The following PACSIN2 variants were observed in gnomAD, a reference collection of about 807,000 sequenced individuals.
PACSIN2 encodes protein kinase C and casein kinase substrate in neurons protein 2.
A neutral mutation model predicts 63.8 loss-of-function variants in PACSIN2; 25 were observed. That is an observed-to-expected ratio of 0.39 (90% CI 0.29 to 0.55). The LOEUF is 0.55. Ranked by LOEUF, PACSIN2 falls within the 20% of genes least tolerant of loss-of-function variation. PACSIN2 has a pLI of 0.62. For missense variants in PACSIN2, 518 were observed against 646.9 expected (o/e 0.80, Z 2.16); for synonymous variants, 255 against 256.2 (o/e 1.00, Z 0.05).
intron 7 of PACSIN2, among the ~76,000 whole-genome samples, chr22:42,879,963 G>A (rs560437676): frequency 6.6e-6 from 1 of 152,296 alleles, no homozygotes; most frequent in Admixed American, 6.5e-5. Flanking sequence ...CGAGTTCTCG[G>A]GTGGCGAACT....
At chr22:42,984,525 T>C (rs1402599626) in intron 1 of PACSIN2, among the ~76,000 whole-genome samples, 1 of 152,094 alleles carries the variant, frequency 6.6e-6, no homozygotes, top group African/African-American at 2.4e-5. Flanking sequence ...AAAACCCACA[T>C]GGCCAGGAGA....
At chr22:42,951,371 T>C (rs1933684270) in intron 1 of PACSIN2, among the ~76,000 whole-genome samples, 1 of 152,168 alleles carries the variant, frequency 6.6e-6, no homozygotes, top group African/African-American at 2.4e-5. Context: ...TCCTCTTCTC[T>C]GTGCACACTA....
chr22:42,993,135 C>A (rs1464802910), intron 1 of PACSIN2, among the ~76,000 whole-genome samples: 1 of 151,638 alleles, frequency 6.6e-6, no homozygotes, highest in Non-Finnish European at 1.5e-5. Flanking sequence ...GATTGCACCA[C>A]TGCACTCCAG....
At chr22:42,884,278 T>A (rs1329452615) in intron 6 of PACSIN2, 108 bp downstream of exon 6, 2 of 1,008,194 alleles carry the variant, frequency 2.0e-6, no homozygotes, top group Non-Finnish European at 3.0e-6. Context: ...TGAGGAGACC[T>A]CCTGATGAAC....
At chr22:42,933,486 C>T (rs190284858) in intron 1 of PACSIN2, among the ~76,000 whole-genome samples, 14 of 152,342 alleles carry the variant, frequency 9.2e-5, no homozygotes, top group Non-Finnish European at 1.9e-4. Context: ...ACAGAACACA[C>T]CCATGTTCAT....
rs1018968664 is a variant in PACSIN2 at position 42,915,010 on chromosome 22, C to T, written c.-77-2853G>A. Among the ~76,000 whole-genome samples, 5 of 152,030 alleles carry T rather than the reference C, an allele frequency of 3.3e-5. No homozygotes were observed. The East Asian group carries it at 7.7e-4, about 23-fold the overall frequency. On this transcript the variant is annotated intron_variant, in intron 1 of 10. Transcript: ENST00000263246. ...TCCTGAGTAGCTGGGACTACAGGCA[C>T]GTGCTGCCAGGCCCAGCTAATTAAA...
At chr22:43,009,472 G>C (rs1779395346) in intron 1 of PACSIN2, among the ~76,000 whole-genome samples, 1 of 152,172 alleles carries the variant, frequency 6.6e-6, no homozygotes, top group African/African-American at 2.4e-5. Context: ...TCTTAATCTG[G>C]GTCCACGCCT....
intron 1 of PACSIN2, among the ~76,000 whole-genome samples, chr22:42,939,036 G>A (rs1486396043): frequency 6.6e-6 from 1 of 152,160 alleles, no homozygotes; most frequent in African/African-American, 2.4e-5. Flanking sequence ...AACCACCTGG[G>A]CTATCAGAAT....
chr22:42,996,701 G>A (rs1923427366), intron 1 of PACSIN2, among the ~76,000 whole-genome samples: 1 of 151,922 alleles, frequency 6.6e-6, no homozygotes, highest in Non-Finnish European at 1.5e-5. Context: ...CAATCAGGGG[G>A]AAAAAAAGCA....
intron 1 of PACSIN2, among the ~76,000 whole-genome samples, chr22:42,957,790 T>C (rs1933974355): frequency 6.6e-6 from 1 of 152,294 alleles, no homozygotes; most frequent in South Asian, 2.1e-4. Flanking sequence ...CAAAGAAGAA[T>C]TGAGTGCTTG....
rs752201010 is a variant in PACSIN2 at position 42,876,849 on chromosome 22, T to C, written c.1151+39A>G. On this transcript the variant is annotated intron_variant, in intron 9 of 10. Coordinates refer to ENST00000263246, the MANE Select transcript of PACSIN2 (RefSeq NM_001184970.3). The stretch of plus-strand genomic sequence containing the variant: ...CAGAGAGAGAGGAAGAGAGACAGAG[T>C]GAGCGCGGTGGGAGCAGAGGAAGCA... The C allele has an allele frequency of 1.1e-5, 18 of 1,612,416 alleles. No individual in the cohort carries two copies. The East Asian group carries it at 3.8e-4, about 34-fold the overall frequency.
At chr22:42,970,992 C>T (rs893147075) in intron 1 of PACSIN2, among the ~76,000 whole-genome samples, 5 of 152,202 alleles carry the variant, frequency 3.3e-5, no homozygotes, top group African/African-American at 1.2e-4. Flanking sequence ...CCTACCCCTG[C>T]ACCACCTCTC....
At chr22:42,889,591 G>A (rs563332188) in intron 4 of PACSIN2, among the ~76,000 whole-genome samples, 4 of 152,142 alleles carry the variant, frequency 2.6e-5, no homozygotes, top group African/African-American at 4.8e-5. Context: ...AAAACCATCC[G>A]GAAGGACAGA....
intron 1 of PACSIN2, among the ~76,000 whole-genome samples, chr22:43,010,786 T>C (rs1352066271): frequency 6.6e-6 from 1 of 152,200 alleles, no homozygotes; most frequent in Non-Finnish European, 1.5e-5. Context: ...AGAAAGACTC[T>C]ATGGTGCTTT....
intron 1 of PACSIN2, among the ~76,000 whole-genome samples, chr22:42,964,928 C>T (rs973284576): frequency 1.3e-5 from 2 of 152,144 alleles, no homozygotes; most frequent in African/African-American, 4.8e-5. Context: ...AAGATTCCCC[C>T]AAATCTGGTT....
chr22:42,922,475 C>T (rs977361016), intron 1 of PACSIN2, among the ~76,000 whole-genome samples: 14 of 152,214 alleles, frequency 9.2e-5, no homozygotes, highest in African/African-American at 2.7e-4. Flanking sequence ...CCCGATACCC[C>T]GCTCTAATCC....
intron 1 of PACSIN2, among the ~76,000 whole-genome samples, chr22:42,949,696 TCA>T (rs1303729403): frequency 3.4e-5 from 5 of 148,380 alleles, no homozygotes; most frequent in Non-Finnish European, 7.4e-5. Context: ...ACACACACAC[TCA>T]CACACACTCT....
intron 1 of PACSIN2, among the ~76,000 whole-genome samples, chr22:42,938,274 G>A (rs923302448): frequency 2.0e-5 from 3 of 152,110 alleles, no homozygotes; most frequent in African/African-American, 7.2e-5. Context: ...CCTAAAACCC[G>A]AGGATGAAAA....
intron 1 of PACSIN2, among the ~76,000 whole-genome samples, chr22:43,001,034 C>T (rs1006231288): frequency 1.3e-5 from 2 of 152,188 alleles, no homozygotes; most frequent in Admixed American, 6.5e-5. Context: ...GGGCCCCGTC[C>T]GACCTCAAAT....
Sources: allele counts gnomAD v4.1 joint callset (sites outside exome capture counted in the v4.1 genomes callset), GRCh38; gene constraint gnomAD v4.1.1; transcripts MANE v1.5; gene names NCBI Gene and HGNC (gene_info 2026-07-23, HGNC 2026-07-21).